The following ADRA1B variants were observed in gnomAD, a reference collection of about 807,000 sequenced individuals.
ADRA1B encodes alpha-1B adrenergic receptor.
Under a neutral mutation model 17.9 loss-of-function variants are expected in ADRA1B, and 17 were observed. The ratio of observed to expected loss-of-function variants is 0.95; its 90% confidence interval spans 0.65 to 1.42. The LOEUF is 1.42. Ranked by LOEUF, ADRA1B falls within the 40% of genes most tolerant of loss-of-function variation. The pLI is 0.00. For missense variants in ADRA1B, 681 were observed against 722.1 expected, an observed-to-expected ratio of 0.94 and a Z score of 0.65; for synonymous variants, 366 against 327.6, an observed-to-expected ratio of 1.12 and a Z score of -1.27.
intron 1 of ADRA1B, among the ~76,000 whole-genome samples, chr5:159,880,422 C>G (rs984109672): frequency 6.6e-6 from 1 of 152,140 alleles, no homozygotes; most frequent in Non-Finnish European, 1.5e-5. Context: ...TAAAACAGGC[C>G]TATAGAAGTT....
In ADRA1B at chr5:159,924,567, G is replaced by A. The variant is rs559886466; in HGVS notation, c.949+6713G>A. Among the ~76,000 whole-genome samples, 6 of 152,248 alleles carry A rather than the reference G, an allele frequency of 3.9e-5. No homozygotes were observed. In the South Asian group the frequency reaches 1.2e-3, roughly 32 times the overall value. On this transcript the variant is annotated intron_variant, in intron 1 of 1. Transcript: ENST00000306675. ...AGATCTGGGGCAGAGGGGCAGGGAG[G>A]GGAAGAATGATGTGTGAAGAGCTAT...
intron 1 of ADRA1B, among the ~76,000 whole-genome samples, chr5:159,942,123 G>A (rs918937650): frequency 5.3e-5 from 8 of 151,938 alleles, no homozygotes; most frequent in South Asian, 2.1e-4. Flanking sequence ...GGGGTTTCAC[G>A]GTGTTAGCCA....
intron 1 of ADRA1B, among the ~76,000 whole-genome samples, chr5:159,965,839 TTATTTATTTA>T (rs1167558194): frequency 6.6e-6 from 1 of 152,044 alleles, no homozygotes; most frequent in African/African-American, 2.4e-5. Flanking sequence ...ATTTATTTAT[TTATTTATTTA>T]TTTTTTTGAC....
chr5:159,980,772 A>T, the ADRA1B span, among the ~76,000 whole-genome samples: 16 of 152,170 alleles, frequency 1.1e-4, no homozygotes, highest in African/African-American at 3.1e-4. Flanking sequence ...AGCATTATCT[A>T]GTGTGAGGAA....
chr5:159,881,299 TTC>T (rs11471058), intron 1 of ADRA1B, among the ~76,000 whole-genome samples: 42,584 of 131,684 alleles, frequency 0.32, 7,476 homozygotes, highest in South Asian at 0.45. Context: ...TATCAGAAAG[TTC>T]TCTCTCTCTC....
At chr5:159,931,187 C>T (rs568901045) in intron 1 of ADRA1B, among the ~76,000 whole-genome samples, 116 of 149,098 alleles carry the variant, frequency 7.8e-4, no homozygotes, top group East Asian at 7.0e-3. Context: ...CCCAGGAGTT[C>T]GAGACCAATC....
chr5:159,925,531 C>T (rs889581139), intron 1 of ADRA1B, among the ~76,000 whole-genome samples: 5 of 152,178 alleles, frequency 3.3e-5, no homozygotes, highest in African/African-American at 1.2e-4. Flanking sequence ...GTGGTGCCAG[C>T]ACCATGGGGA....
intron 1 of ADRA1B, among the ~76,000 whole-genome samples, chr5:159,943,723 AT>A (rs1218298386): frequency 5.3e-5 from 8 of 152,016 alleles, no homozygotes; most frequent in Non-Finnish European, 1.0e-4. Flanking sequence ...TTTTCATTTG[AT>A]TTTTTCCCAA....
At chr5:159,917,911 A>G in intron 1 of ADRA1B, 57 bp downstream of exon 1, 6 of 1,432,026 alleles carry the variant, frequency 4.2e-6, no homozygotes, top group Non-Finnish European at 5.7e-6. Flanking sequence ...GGGTTTACTG[A>G]TGAGCTTACT....
intron 1 of ADRA1B, among the ~76,000 whole-genome samples, chr5:159,954,880 A>G (rs564351993): frequency 6.6e-6 from 1 of 152,154 alleles, no homozygotes; most frequent in African/African-American, 2.4e-5. Flanking sequence ...AAGCCCACCC[A>G]GCTGGGTGTC....
chr5:159,953,366 A>T (rs1229645834), intron 1 of ADRA1B, among the ~76,000 whole-genome samples: 1 of 152,154 alleles, frequency 6.6e-6, no homozygotes, highest in Non-Finnish European at 1.5e-5. Flanking sequence ...TCAGAAAAAT[A>T]AAAAATAAAA....
intron 1 of ADRA1B, among the ~76,000 whole-genome samples, chr5:159,898,438 T>G (rs1754060880): frequency 6.6e-6 from 1 of 152,200 alleles, no homozygotes; most frequent in Non-Finnish European, 1.5e-5. Flanking sequence ...GAAACTCTGA[T>G]AAACATATGA....
At chr5:159,881,180 CAA>C (rs35928792) in intron 1 of ADRA1B, among the ~76,000 whole-genome samples, 15 of 56,822 alleles carry the variant, frequency 2.6e-4, no homozygotes, top group East Asian at 1.0e-3. Flanking sequence ...GACTCCGTCT[CAA>C]AAAAAAAAAA....
rs991095913 is a variant in ADRA1B, at chr5:159,917,377, A to G, written c.472A>G (p.Thr158Ala). The change falls in exon 1 of 2, where the codon ACC becomes GCC. Residue 158 changes from threonine to alanine, a missense_variant. Transcript: ENST00000306675. The part of the protein sequence containing the change: ...RYSLQYPTLV[T>A]RRKAILALLS... ...CTCTCTGCAGTATCCCACGCTGGTC[A>G]CCCGGAGGAAGGCCATCTTGGCGCT... The G allele has an allele frequency of 6.2e-7, 1 of 1,614,080 alleles. No individual in the cohort carries two copies. The highest frequency in any genetic ancestry group is 8.5e-7 in the Non-Finnish European group (1 of 1,180,010).
chr5:159,964,069 A>T (rs1458360353), intron 1 of ADRA1B, among the ~76,000 whole-genome samples: 1 of 152,224 alleles, frequency 6.6e-6, no homozygotes, highest in Non-Finnish European at 1.5e-5. Flanking sequence ...GGAGAAATTC[A>T]CTATGGATTT....
intron 1 of ADRA1B, among the ~76,000 whole-genome samples, chr5:159,971,014 C>A (rs774265649): frequency 4.9e-4 from 75 of 152,276 alleles, no homozygotes; most frequent in Non-Finnish European, 9.1e-4. Flanking sequence ...ACTGCCCCGG[C>A]TGGTCTCAAT....
intron 1 of ADRA1B, among the ~76,000 whole-genome samples, chr5:159,945,961 A>C (rs1417264316): frequency 1.3e-5 from 2 of 152,084 alleles, no homozygotes; most frequent in Non-Finnish European, 2.9e-5. Flanking sequence ...GTTAGCCAGG[A>C]TGGTCTTGAT....
In ADRA1B at chr5:159,972,465, C is replaced by T; in HGVS notation, c.1536C>T (p.Asn512=). The T allele has an allele frequency of 6.8e-7, 1 of 1,479,734 alleles. No individual in the cohort carries two copies. Among genetic ancestry groups the T allele is most frequent in the Non-Finnish European group, 9.0e-7 (1 of 1,117,272 alleles). The allele number at this position is 1,479,734 out of a possible 1,614,324, so 91.7% of individuals were successfully genotyped here. Residue 512 remains asparagine, a synonymous_variant, in exon 2 of 2, where the codon AAC becomes AAT. Coordinates refer to ENST00000306675, the MANE Select transcript of ADRA1B (RefSeq NM_000679.4). ...VANGQPGFKS[N]MPLAPGQF The stretch of plus-strand genomic sequence containing the variant: ...ACGGGCAGCCGGGCTTCAAAAGCAA[C>T]ATGCCCCTGGCGCCCGGGCAGTTTT...
rs55764573 is a variant in ADRA1B at position 159,959,808 on chromosome 5, TAAA to T, written c.950-12060_950-12058del. Reference sequence around the variant, plus strand: ...AATTGTAATAAAAATTTTAAAAATGTAAAAAAAAAAAAACCATTACAAAAAAAC... The same window carrying T: ...AATTGTAATAAAAATTTTAAAAATGTAAAAAAAAAACCATTACAAAAAAAC... On this transcript the variant is annotated intron_variant, in intron 1 of 1. Coordinates refer to ENST00000306675, the MANE Select transcript of ADRA1B (RefSeq NM_000679.4). 2.2e-3 allele frequency among the ~76,000 whole-genome samples: 318 copies of T among 144,666 alleles called. 2 individuals are homozygous for T. Among genetic ancestry groups the T allele is most frequent in the African/African-American group, 7.7e-3 (305 of 39,706 alleles). The allele number at this position is 144,666 out of a possible 152,430, so 94.9% of individuals were successfully genotyped here. A position where few individuals can be genotyped will look rare whatever the true frequency, so the allele number is the denominator to read the frequency against.
Sources: gnomAD v4.1 joint callset for allele counts (sites outside exome capture counted in the v4.1 genomes callset) on GRCh38, gnomAD v4.1.1 for gene constraint, MANE v1.5 for transcripts, NCBI Gene and HGNC (gene_info 2026-07-23, HGNC 2026-07-21) for gene names.